Variants in DENND2C observed in about 807,000 individuals in gnomAD.
DENND2C encodes DENN domain-containing protein 2C.
Under a neutral mutation model 112.4 loss-of-function variants are expected in DENND2C, and 72 were observed. The ratio of observed to expected loss-of-function variants is 0.64; its 90% CI spans 0.53 to 0.78. The LOEUF is 0.78. Among genes scored for constraint, DENND2C ranks in the 30% least tolerant of loss-of-function variants. DENND2C has a pLI of 0.00. For missense variants in DENND2C, 992 were observed against 1,113.8 expected (o/e 0.89, Z 1.56); for synonymous variants, 329 against 381.6 (o/e 0.86, Z 1.61).
At chr1:114,660,954 T>C (rs1260533554) in intron 1 of DENND2C, among the ~76,000 whole-genome samples, 2 of 151,484 alleles carry the variant, frequency 1.3e-5, no homozygotes, top group Non-Finnish European at 2.9e-5. Flanking sequence ...CTACTAAAAA[T>C]ACAAAAATCA....
intron 1 of DENND2C, among the ~76,000 whole-genome samples, chr1:114,669,767 G>A (rs1298783684): frequency 6.6e-5 from 10 of 152,054 alleles, no homozygotes; most frequent in Admixed American, 2.0e-4. Context: ...ACGTCCCAAA[G>A]CTGGGCCCAA....
Position 114,600,270 on chromosome 1 carries a change from T to A in DENND2C, c.2039A>T (p.His680Leu). ...GAGAGAGGCACAGACCCGGATGAGA[T>A]GACACACACTCAGGCACTTAAAGAG... ...KCLFKCLSVC[H>L]LIRVCASLLL... The change falls in exon 15 of 21, where the codon CAT (histidine) becomes CTT (leucine). Residue 680 changes from histidine to leucine, a missense_variant. Transcript: ENST00000393274. The A allele has an allele frequency of 6.2e-7, 1 of 1,614,022 alleles. No individual in the cohort carries two copies. Among genetic ancestry groups the A allele is most frequent in the Non-Finnish European group, 8.5e-7 (1 of 1,179,986 alleles).
intron 3 of DENND2C, among the ~76,000 whole-genome samples, chr1:114,631,213 T>C (rs1656479147): frequency 6.6e-6 from 1 of 151,344 alleles, no homozygotes; most frequent in Non-Finnish European, 1.5e-5. Context: ...CCATCTCTAC[T>C]AAAAATACAA....
intron 3 of DENND2C, among the ~76,000 whole-genome samples, chr1:114,629,004 T>G (rs186836785): frequency 6.6e-5 from 10 of 152,380 alleles, no homozygotes; most frequent in Admixed American, 6.5e-4. Context: ...AGAGACTGCT[T>G]TCTCAAGCTT....
chr1:114,659,731 T>C (rs1400508002), intron 1 of DENND2C, among the ~76,000 whole-genome samples: 1 of 151,848 alleles, frequency 6.6e-6, no homozygotes, highest in Non-Finnish European at 1.5e-5. Context: ...TCCTTTCCTT[T>C]CCTTTTTCCT....
intron 16 of DENND2C, among the ~76,000 whole-genome samples, 172 bp from the exon 17 acceptor site, chr1:114,596,045 T>C (rs535646443): frequency 6.6e-6 from 1 of 152,276 alleles, no homozygotes; most frequent in South Asian, 2.1e-4. Flanking sequence ...TGCACACCTA[T>C]AGATTAAAAG....
At chr1:114,634,942 C>G (rs1656611598) in intron 3 of DENND2C, among the ~76,000 whole-genome samples, 1 of 150,064 alleles carries the variant, frequency 6.7e-6, no homozygotes, top group African/African-American at 2.4e-5. Context: ...GCACGAGAAT[C>G]GCTTGAACCT....
intron 15 of DENND2C, 50 bp downstream of exon 15, chr1:114,600,154 G>A: frequency 6.4e-7 from 1 of 1,561,760 alleles, no homozygotes; most frequent in East Asian, 2.3e-5. Flanking sequence ...TTTAAAATTT[G>A]GAACAAATAA....
intron 1 of DENND2C, among the ~76,000 whole-genome samples, chr1:114,661,073 T>C (rs940184511): frequency 7.1e-6 from 1 of 140,070 alleles, no homozygotes; most frequent in Non-Finnish European, 1.5e-5. Flanking sequence ...ATTGTGCCAC[T>C]GTGCACCTGG....
intron 3 of DENND2C, 70 bp from the exon 4 acceptor site, chr1:114,626,258 T>C (rs1264301872): frequency 1.5e-5 from 5 of 331,204 alleles, no homozygotes; most frequent in Non-Finnish European, 1.1e-5. Flanking sequence ...ACTAAAACAT[T>C]GCCCACCTAT....
intron 16 of DENND2C, among the ~76,000 whole-genome samples, chr1:114,598,670 T>G (rs1655408838): frequency 1.3e-5 from 2 of 152,074 alleles, no homozygotes; most frequent in South Asian, 4.1e-4. Context: ...TGTGTTATAT[T>G]TGAAATAAGG....
chr1:114,638,762 C>CAAAAAAAAA (rs35740017), intron 3 of DENND2C, among the ~76,000 whole-genome samples: 1 of 84,158 alleles, frequency 1.2e-5, no homozygotes, highest in Non-Finnish European at 2.3e-5. Context: ...GACCTTGTCT[C>CAAAAAAAAA]AAAAAAAAAA....
At chr1:114,621,354 T>C (rs962983639) in intron 7 of DENND2C, among the ~76,000 whole-genome samples, 1 of 152,268 alleles carries the variant, frequency 6.6e-6, no homozygotes, top group Non-Finnish European at 1.5e-5. Context: ...GTAGAGATGA[T>C]GTACAGACTT....
intron 1 of DENND2C, among the ~76,000 whole-genome samples, chr1:114,659,380 T>C (rs1295168646): frequency 6.6e-6 from 1 of 152,060 alleles, no homozygotes; most frequent in African/African-American, 2.4e-5. Context: ...CCGGCACCTG[T>C]AGTCCCAGCT....
chr1:114,641,726 T>C (rs764716608), intron 3 of DENND2C, among the ~76,000 whole-genome samples: 8 of 152,090 alleles, frequency 5.3e-5, no homozygotes, highest in Non-Finnish European at 8.8e-5. Context: ...TCTTTATAAA[T>C]TACCCAGCCT....
At chr1:114,646,917 T>C (rs1033034636) in intron 2 of DENND2C, among the ~76,000 whole-genome samples, 6 of 152,102 alleles carry the variant, frequency 3.9e-5, no homozygotes, top group African/African-American at 1.4e-4. Context: ...CCCAGCACTT[T>C]GGGAGGCTGA....
Position 114,625,289 on chromosome 1 carries a change from G to A in DENND2C, c.696C>T (p.Asn232=), listed in dbSNP as rs555831940. The A allele has an allele frequency of 1.2e-6, 2 of 1,614,116 alleles. No homozygotes were observed. The highest frequency in any genetic ancestry group is 2.2e-5 in the South Asian group (2 of 91,086). ...TATTTTCACAGTATTTTTTGTCACA[G>A]TTTCTTTCTTTATACGGCGTAACAC... The part of the protein sequence containing the change: ...ESGVTPYKER[N]CDKKYCENNS... The change falls in exon 4 of 21, where the codon AAC becomes AAT. Residue 232 remains asparagine, a synonymous_variant. Coordinates refer to ENST00000393274, the MANE Select transcript of DENND2C (RefSeq NM_001256404.2).
chr1:114,622,483 A>G (rs1656192890), intron 6 of DENND2C, among the ~76,000 whole-genome samples: 1 of 152,256 alleles, frequency 6.6e-6, no homozygotes, highest in South Asian at 2.1e-4. Flanking sequence ...TATTTATCCT[A>G]TATTTAATTT....
Position 114,646,519 on chromosome 1 carries a change from T to C in DENND2C, c.-316-960A>G, listed in dbSNP as rs575052203. 2.0e-4 allele frequency among the ~76,000 whole-genome samples: 31 copies of C among 152,314 alleles called. No individual in the cohort carries two copies. In the South Asian group the frequency reaches 6.0e-3, roughly 30 times the overall value. Reference sequence around the variant, plus strand: ...AGATATAATCTGTAAATCCACCTACTTGGACACATATGAACTGCTCTATGT... The same window carrying C: ...AGATATAATCTGTAAATCCACCTACCTGGACACATATGAACTGCTCTATGT... On this transcript the variant is annotated intron_variant, in intron 2 of 20. Coordinates refer to ENST00000393274, the MANE Select transcript of DENND2C (RefSeq NM_001256404.2).
Sources: gnomAD v4.1 joint callset for allele counts (sites outside exome capture counted in the v4.1 genomes callset) on GRCh38, gnomAD v4.1.1 for gene constraint, MANE v1.5 for transcripts, NCBI Gene and HGNC (gene_info 2026-07-23, HGNC 2026-07-21) for gene names.